Variants in GALNT14 observed in about 807,000 individuals in gnomAD.
GALNT14 encodes polypeptide N-acetylgalactosaminyltransferase 14.
In GALNT14, 60 loss-of-function variants were observed where a neutral mutation model predicts 77.5. The ratio of observed to expected loss-of-function variants is 0.77; its 90% confidence interval spans 0.63 to 0.96. The LOEUF (loss-of-function observed/expected upper bound fraction) is 0.96, where lower values mean the gene tolerates loss of function less well. Among genes scored for constraint, GALNT14 ranks in the 40% least tolerant of loss-of-function variants. The pLI is 0.00. For missense variants in GALNT14, 710 were observed against 731.0 expected (o/e 0.97, Z 0.33); for synonymous variants, 280 against 281.7 (o/e 0.99, Z 0.06).
chr2:31,073,892 G>C (rs1186850071), intron 1 of GALNT14, among the ~76,000 whole-genome samples: 3 of 152,308 alleles, frequency 2.0e-5, no homozygotes, highest in African/African-American at 7.2e-5. Flanking sequence ...TGGCAGCTGT[G>C]CTAAGGGGAG....
At chr2:31,082,159 G>A (rs1055753675) in intron 1 of GALNT14, among the ~76,000 whole-genome samples, 22 of 152,182 alleles carry the variant, frequency 1.4e-4, no homozygotes, top group African/African-American at 3.1e-4. Context: ...ACCTGAAATC[G>A]GGCAGAGTCC....
chr2:30,962,546 C>CA (rs1667755501), intron 3 of GALNT14, among the ~76,000 whole-genome samples: 1 of 152,210 alleles, frequency 6.6e-6, no homozygotes, highest in African/African-American at 2.4e-5. Context: ...CTCACTGCAT[C>CA]AGGAGTCAAG....
At chr2:31,006,192 T>G (rs1321118579) in intron 1 of GALNT14, among the ~76,000 whole-genome samples, 2 of 152,222 alleles carry the variant, frequency 1.3e-5, no homozygotes, top group Non-Finnish European at 2.9e-5. Context: ...GTTTGCAGCT[T>G]CCTCAAATCT....
chr2:30,887,401 A>C, the GALNT14 span, among the ~76,000 whole-genome samples: 2 of 151,708 alleles, frequency 1.3e-5, no homozygotes, highest in African/African-American at 4.8e-5. Flanking sequence ...TTTTTAATTA[A>C]TTTTTCATAT....
the GALNT14 span, among the ~76,000 whole-genome samples, chr2:30,895,466 C>T: frequency 1.2e-4 from 18 of 152,298 alleles, no homozygotes; most frequent in African/African-American, 3.6e-4. Flanking sequence ...AAAGCAACTC[C>T]TTGAGCAGAG....
At chr2:30,931,679 A>G (rs1327092012) in intron 10 of GALNT14, among the ~76,000 whole-genome samples, 1 of 152,046 alleles carries the variant, frequency 6.6e-6, no homozygotes. Context: ...CCTCTCCCCT[A>G]GTGACCCAGC....
chr2:31,039,487 G>C lies in GALNT14; in HGVS notation c.130-46480C>G, dbSNP rs986631374. ...TCACTCTAAGACTTGAATCGGGCCG[G>C]CTTACCAATCTCACACATATTCGTC... is the stretch of plus-strand genomic sequence containing the variant. On this transcript the variant is annotated intron_variant, in intron 1 of 14. Coordinates refer to ENST00000349752, the MANE Select transcript of GALNT14 (RefSeq NM_024572.4). 5.9e-5 allele frequency among the ~76,000 whole-genome samples: 9 copies of C among 152,136 alleles called. No homozygotes were observed. In the East Asian group the frequency reaches 1.7e-3, roughly 29 times the overall value.
chr2:31,093,064 C>T (rs1489803233), intron 1 of GALNT14, among the ~76,000 whole-genome samples: 1 of 152,066 alleles, frequency 6.6e-6, no homozygotes, highest in African/African-American at 2.4e-5. Flanking sequence ...GGGTCCTTTA[C>T]CTAAGAACTT....
chr2:30,922,739 T>C (rs1429492398), intron 13 of GALNT14, among the ~76,000 whole-genome samples: 1 of 152,252 alleles, frequency 6.6e-6, no homozygotes, highest in Non-Finnish European at 1.5e-5. Context: ...AGAGATTACA[T>C]CATACTACTT....
rs117440706 is a variant in GALNT14, at chr2:31,118,939, A to G, written c.129+19019T>C. ...GAACCCAATATTTATGGGAAATTATATGACAAAGTGGTCTTTTAATTAGTG... is the reference window on the plus strand; with the variant it reads ...GAACCCAATATTTATGGGAAATTATGTGACAAAGTGGTCTTTTAATTAGTG... On this transcript the variant is annotated intron_variant, in intron 1 of 14. Coordinates refer to ENST00000349752, the MANE Select transcript of GALNT14 (RefSeq NM_024572.4). Among the ~76,000 whole-genome samples the G allele has an allele frequency of 2.4e-4, 37 of 152,314 alleles. No individual in the cohort carries two copies. The East Asian group carries it at 6.2e-3, about 25-fold the overall frequency.
At chr2:31,046,807 T>G (rs1232061987) in intron 1 of GALNT14, among the ~76,000 whole-genome samples, 1 of 152,180 alleles carries the variant, frequency 6.6e-6, no homozygotes, top group Non-Finnish European at 1.5e-5. Context: ...CCACCATTCT[T>G]CACTGCCTGG....
chr2:30,995,706 C>T (rs925553552), intron 1 of GALNT14, among the ~76,000 whole-genome samples: 1 of 152,104 alleles, frequency 6.6e-6, no homozygotes, highest in Non-Finnish European at 1.5e-5. Context: ...CACTATGTTG[C>T]CTAGGCTGGT....
chr2:30,919,542 T>C (rs528636469), intron 13 of GALNT14, among the ~76,000 whole-genome samples: 1 of 152,332 alleles, frequency 6.6e-6, no homozygotes, highest in African/African-American at 2.4e-5. Context: ...TACTCCACAG[T>C]TGAGGACCCT....
At chr2:30,912,461 TA>T in intron 13 of GALNT14, 119 bp from the exon 14 acceptor site, 1 of 1,117,698 alleles carries the variant, frequency 8.9e-7, no homozygotes, top group Non-Finnish European at 1.3e-6. Flanking sequence ...AGGGTCCCAG[TA>T]GGCAATGATC....
chr2:31,095,972 G>A (rs2216831), intron 1 of GALNT14, among the ~76,000 whole-genome samples: 7,293 of 152,174 alleles, frequency 0.048, 316 homozygotes, highest in African/African-American at 0.12. Flanking sequence ...GCAAGGGTGC[G>A]TTCCTTCTAG....
intron 1 of GALNT14, among the ~76,000 whole-genome samples, chr2:31,021,458 C>G (rs79039287): frequency 1.3e-5 from 2 of 151,498 alleles, no homozygotes; most frequent in African/African-American, 2.4e-5. Context: ...GCGCCCACCA[C>G]GACACCTGGC....
chr2:31,123,074 C>T (rs1197610522), intron 1 of GALNT14, among the ~76,000 whole-genome samples: 1 of 146,686 alleles, frequency 6.8e-6, no homozygotes, highest in Non-Finnish European at 1.5e-5. Flanking sequence ...CCCAGCTACT[C>T]GGGAGGCTGA....
At chr2:30,921,150 G>C (rs1572968109) in intron 13 of GALNT14, among the ~76,000 whole-genome samples, 1 of 152,042 alleles carries the variant, frequency 6.6e-6, no homozygotes, top group African/African-American at 2.4e-5. Flanking sequence ...CTCTCCTCAG[G>C]GCCAGAGCAT....
intron 1 of GALNT14, among the ~76,000 whole-genome samples, chr2:31,131,494 C>G (rs887625062): frequency 1.3e-5 from 2 of 152,140 alleles, no homozygotes; most frequent in African/African-American, 4.8e-5. Flanking sequence ...CTTTCTAATT[C>G]AGATTATTTT....
Sources: allele counts gnomAD v4.1 joint callset (sites outside exome capture counted in the v4.1 genomes callset), GRCh38; gene constraint gnomAD v4.1.1; transcripts MANE v1.5; gene names NCBI Gene and HGNC (gene_info 2026-07-23, HGNC 2026-07-21).